Variants in EYS observed in about 807,000 individuals in gnomAD.
The protein encoded by EYS is EGF-like photoreceptor maintenance factor, also known as protein eyes shut homolog.
In EYS, 250 loss-of-function variants were observed where a neutral mutation model predicts 282.1. That is an observed-to-expected ratio of 0.89 (90% CI 0.80 to 0.98). The LOEUF (loss-of-function observed/expected upper bound fraction) is 0.98. EYS is among the 50% of genes least tolerant of loss of function. The probability of loss-of-function intolerance (pLI) is 0.00; values close to 1 mark genes in which losing one functional copy is unlikely to be tolerated. For synonymous variants in EYS, 1,355 were observed against 1,282.9 expected (o/e 1.06, Z -1.20); for missense variants, 4,016 against 3,709.0 (o/e 1.08, Z -2.15).
chr6:64,584,688 C>A (rs1280006045), intron 26 of EYS, among the ~76,000 whole-genome samples: 1 of 151,902 alleles, frequency 6.6e-6, no homozygotes, highest in Non-Finnish European at 1.5e-5. Flanking sequence ...TTTTTATTTG[C>A]AAATTGTTTT....
chr6:63,950,201 A>C (rs1765533165), intron 35 of EYS, among the ~76,000 whole-genome samples: 3 of 151,140 alleles, frequency 2.0e-5, no homozygotes, highest in Admixed American at 1.3e-4. Context: ...AAACAAAAAA[A>C]AAAAACAAAA....
intron 9 of EYS, among the ~76,000 whole-genome samples, chr6:65,344,993 C>A (rs1363510238): frequency 1.3e-5 from 2 of 151,588 alleles, no homozygotes; most frequent in South Asian, 2.1e-4. Flanking sequence ...GTAAACAAAT[C>A]TAAACTCTAG....
intron 12 of EYS, among the ~76,000 whole-genome samples, chr6:65,084,843 G>C (rs1465113089): frequency 1.3e-5 from 2 of 152,102 alleles, no homozygotes; most frequent in East Asian, 3.9e-4. Flanking sequence ...AAACAGAAGA[G>C]GATGTGCAAG....
intron 5 of EYS, among the ~76,000 whole-genome samples, chr6:65,452,875 C>A (rs1054903562): frequency 2.0e-5 from 3 of 151,918 alleles, no homozygotes; most frequent in African/African-American, 7.3e-5. Context: ...CATCCATTGA[C>A]CAACAAACTG....
chr6:64,782,591 C>T (rs1186850212), intron 22 of EYS, among the ~76,000 whole-genome samples: 1 of 152,068 alleles, frequency 6.6e-6, no homozygotes, highest in Non-Finnish European at 1.5e-5. Context: ...AAACTGTTCT[C>T]TTTAAAAAAC....
chr6:65,384,187 A>G (rs184037482), intron 8 of EYS, among the ~76,000 whole-genome samples, 199 bp downstream of exon 8: 4 of 151,978 alleles, frequency 2.6e-5, no homozygotes, highest in East Asian at 3.9e-4. Flanking sequence ...CACCTCCTAG[A>G]ACATTTATTA....
intron 31 of EYS, among the ~76,000 whole-genome samples, chr6:64,196,572 T>C (rs1347286342): frequency 6.6e-6 from 1 of 151,888 alleles, no homozygotes; most frequent in African/African-American, 2.4e-5. Flanking sequence ...CCATGAAAAA[T>C]GATGAGTTCA....
chr6:65,209,323 T>C (rs1449124845), intron 12 of EYS, among the ~76,000 whole-genome samples: 1 of 151,560 alleles, frequency 6.6e-6, no homozygotes, highest in Non-Finnish European at 1.5e-5. Context: ...CTAATCATAG[T>C]ACTTGAAAAA....
At chr6:65,341,399 C>T (rs1476862227) in intron 10 of EYS, among the ~76,000 whole-genome samples, 1 of 151,162 alleles carries the variant, frequency 6.6e-6, no homozygotes, top group African/African-American at 2.4e-5. Context: ...ATACATATCT[C>T]TCTAATTGGC....
chr6:65,425,104 A>C (rs1392477480), intron 5 of EYS, among the ~76,000 whole-genome samples: 1 of 152,124 alleles, frequency 6.6e-6, no homozygotes, highest in African/African-American at 2.4e-5. Context: ...CTTTAGCTGT[A>C]TAAATGTATA....
chr6:64,682,589 A>G (rs535254003), intron 22 of EYS, among the ~76,000 whole-genome samples: 5 of 152,112 alleles, frequency 3.3e-5, no homozygotes, highest in Admixed American at 2.6e-4. Flanking sequence ...CCTCACATGG[A>G]CATGCCTACA....
intron 15 of EYS, among the ~76,000 whole-genome samples, chr6:64,916,306 A>G (rs1460076235): frequency 6.6e-6 from 1 of 152,204 alleles, no homozygotes; most frequent in Non-Finnish European, 1.5e-5. Context: ...GGTTTGTTTT[A>G]TCTTCTCACA....
chr6:63,931,716 A>C (rs747869686), intron 35 of EYS, among the ~76,000 whole-genome samples: 2 of 152,204 alleles, frequency 1.3e-5, no homozygotes, highest in Non-Finnish European at 2.9e-5. Flanking sequence ...ATGTATAAGG[A>C]TCACATCAGG....
intron 29 of EYS, among the ~76,000 whole-genome samples, chr6:64,356,648 T>G (rs568525150): frequency 6.6e-6 from 1 of 151,728 alleles, no homozygotes; most frequent in African/African-American, 2.4e-5. Flanking sequence ...AAGAATTCGT[T>G]GATCAGAGAG....
chr6:64,218,834 G>T (rs1410629982), intron 31 of EYS, among the ~76,000 whole-genome samples: 1 of 152,096 alleles, frequency 6.6e-6, no homozygotes, highest in African/African-American at 2.4e-5. Context: ...CTCTTAGTTG[G>T]CAGAACCGTG....
intron 14 of EYS, among the ~76,000 whole-genome samples, chr6:64,981,464 A>T (rs1770663094): frequency 6.6e-6 from 1 of 151,142 alleles, no homozygotes; most frequent in African/African-American, 2.4e-5. Flanking sequence ...CTTCACCTCC[A>T]TTTCCATTTC....
chr6:65,606,706 G>A (rs1350319984), intron 2 of EYS, among the ~76,000 whole-genome samples: 1 of 151,736 alleles, frequency 6.6e-6, no homozygotes, highest in South Asian at 2.1e-4. Flanking sequence ...TAAATGAAAA[G>A]TAAAAGTTAA....
At chr6:65,700,778 A>G (rs1238417440) in intron 1 of EYS, among the ~76,000 whole-genome samples, 1 of 152,158 alleles carries the variant, frequency 6.6e-6, no homozygotes, top group Non-Finnish European at 1.5e-5. Flanking sequence ...TTCCTTTCAC[A>G]GGAAACCATT....
At chr6:65,080,602 T>C (rs898017711) in intron 12 of EYS, among the ~76,000 whole-genome samples, 4 of 152,084 alleles carry the variant, frequency 2.6e-5, no homozygotes, top group African/African-American at 7.2e-5. Context: ...AAACACTATA[T>C]TGCCTCTGCA....
Sources: gnomAD v4.1 joint callset for allele counts (sites outside exome capture counted in the v4.1 genomes callset) on GRCh38, gnomAD v4.1.1 for gene constraint, MANE v1.5 for transcripts, NCBI Gene and HGNC (gene_info 2026-07-23, HGNC 2026-07-21) for gene names.